PDE7B: variants seen among roughly 807,000 people sequenced by gnomAD.
The protein encoded by PDE7B is phosphodiesterase 7B.
Under a neutral mutation model 56.2 loss-of-function variants are expected in PDE7B, and 29 were observed. That is an observed-to-expected ratio of 0.52 (90% CI 0.38 to 0.70). The LOEUF (loss-of-function observed/expected upper bound fraction) is 0.70, where lower values mean the gene tolerates loss of function less well. Ranked by LOEUF, PDE7B falls within the 30% of genes least tolerant of loss-of-function variation. PDE7B has a pLI of 0.00. For synonymous variants in PDE7B, 197 were observed against 196.9 expected (o/e 1.00, Z 0.00); for missense variants, 490 against 565.0 (o/e 0.87, Z 1.35).
chr6:135,930,271 G>A (rs1583778299), intron 1 of PDE7B, among the ~76,000 whole-genome samples: 1 of 152,224 alleles, frequency 6.6e-6, no homozygotes, highest in Middle Eastern at 3.4e-3. Context: ...AACAGCACAG[G>A]AAAGACCTGG....
chr6:135,984,204 G>A (rs1775341769), intron 2 of PDE7B, among the ~76,000 whole-genome samples: 1 of 152,190 alleles, frequency 6.6e-6, no homozygotes, highest in Non-Finnish European at 1.5e-5. Flanking sequence ...TTGAGGTTAG[G>A]AGTGACGCAT....
At chr6:136,047,765 A>T (rs1040592144) in intron 2 of PDE7B, among the ~76,000 whole-genome samples, 8 of 152,214 alleles carry the variant, frequency 5.3e-5, no homozygotes, top group African/African-American at 1.9e-4. Flanking sequence ...AGAAAGGGAA[A>T]TGAAAAATTC....
At chr6:135,905,442 T>A (rs1357295578) in intron 1 of PDE7B, among the ~76,000 whole-genome samples, 1 of 151,858 alleles carries the variant, frequency 6.6e-6, no homozygotes. Flanking sequence ...AGAGAAACAC[T>A]AACCAGATTC....
At chr6:136,087,104 T>G (rs112586406) in intron 2 of PDE7B, among the ~76,000 whole-genome samples, 155 of 152,356 alleles carry the variant, frequency 1.0e-3, no homozygotes, top group Middle Eastern at 3.4e-3. Flanking sequence ...GACAGTATAC[T>G]GAGGAGAGAA....
chr6:135,992,616 T>C (rs1775496318), intron 2 of PDE7B, among the ~76,000 whole-genome samples: 2 of 152,190 alleles, frequency 1.3e-5, no homozygotes, highest in Non-Finnish European at 1.5e-5. Context: ...TTAACTTTCC[T>C]TTTTACTTAA....
intron 2 of PDE7B, among the ~76,000 whole-genome samples, chr6:136,028,950 CAAT>C (rs1776194517): frequency 6.6e-6 from 1 of 152,140 alleles, no homozygotes; most frequent in Admixed American, 6.5e-5. Context: ...GTTTGTGCAA[CAAT>C]ATGACTTCCA....
At chr6:135,872,635 C>G (rs1775407072) in intron 1 of PDE7B, among the ~76,000 whole-genome samples, 1 of 152,090 alleles carries the variant, frequency 6.6e-6, no homozygotes, top group Admixed American at 6.6e-5. Flanking sequence ...ACCCTCCCTA[C>G]CTAACAAAGT....
chr6:136,104,936 T>C (rs6904296), intron 2 of PDE7B, among the ~76,000 whole-genome samples: 360 of 152,308 alleles, frequency 2.4e-3, no homozygotes, highest in African/African-American at 8.2e-3. Context: ...TCCTTATTTG[T>C]TGTTATTGCC....
chr6:135,959,957 A>G (rs970117776), intron 2 of PDE7B, among the ~76,000 whole-genome samples: 2 of 152,142 alleles, frequency 1.3e-5, no homozygotes, highest in Non-Finnish European at 2.9e-5. Flanking sequence ...AATTTTTTGT[A>G]CAGATGGGGT....
intron 2 of PDE7B, among the ~76,000 whole-genome samples, chr6:135,969,409 A>G (rs1341124277): frequency 3.3e-5 from 5 of 152,208 alleles, no homozygotes; most frequent in African/African-American, 9.6e-5. Flanking sequence ...AAACTTCTCT[A>G]TAATGAGGAA....
chr6:136,013,407 G>T (rs550814794), intron 2 of PDE7B, among the ~76,000 whole-genome samples: 25 of 152,336 alleles, frequency 1.6e-4, no homozygotes, highest in African/African-American at 6.0e-4. Flanking sequence ...ATGGAACTGA[G>T]AGAAGTCACA....
chr6:135,910,347 A>G (rs1227363624), intron 1 of PDE7B, among the ~76,000 whole-genome samples: 1 of 152,240 alleles, frequency 6.6e-6, no homozygotes, highest in Non-Finnish European at 1.5e-5. Context: ...AGCACTTTAG[A>G]ACTGTCAGTA....
chr6:136,040,010 A>G (rs1776388342), intron 2 of PDE7B, among the ~76,000 whole-genome samples: 1 of 152,186 alleles, frequency 6.6e-6, no homozygotes, highest in South Asian at 2.1e-4. Flanking sequence ...TATGTTCTAT[A>G]TTAGTGAACA....
At chr6:136,018,661 G>A (rs1407499140) in intron 2 of PDE7B, among the ~76,000 whole-genome samples, 1 of 151,952 alleles carries the variant, frequency 6.6e-6, no homozygotes, top group Admixed American at 6.6e-5. Flanking sequence ...ACCGTTAAGA[G>A]GTCCAACAAA....
At chr6:135,987,326 G>C (rs1562461287) in intron 2 of PDE7B, among the ~76,000 whole-genome samples, 1 of 152,158 alleles carries the variant, frequency 6.6e-6, no homozygotes, top group Non-Finnish European at 1.5e-5. Flanking sequence ...TAGGAGTTGA[G>C]AGCACCAACC....
At chr6:135,900,262 C>A (rs1775976506) in intron 1 of PDE7B, among the ~76,000 whole-genome samples, 1 of 151,930 alleles carries the variant, frequency 6.6e-6, no homozygotes, top group African/African-American at 2.4e-5. Flanking sequence ...AAAAATATTT[C>A]TTTAGCTATG....
chr6:135,979,477 G>A (rs906932710), intron 2 of PDE7B, among the ~76,000 whole-genome samples: 33 of 151,602 alleles, frequency 2.2e-4, no homozygotes, highest in African/African-American at 7.0e-4. Flanking sequence ...TGTACCTCTG[G>A]TAGAATTCGG....
chr6:136,147,039 G>T (rs1194419687), intron 3 of PDE7B, among the ~76,000 whole-genome samples: 1 of 152,112 alleles, frequency 6.6e-6, no homozygotes, highest in African/African-American at 2.4e-5. Flanking sequence ...CTACTCAGGA[G>T]GGTGAGGCGG....
Position 136,161,756 on chromosome 6 carries a change from G to A in PDE7B, c.711+5998G>A, listed in dbSNP as rs549043437. Among the ~76,000 whole-genome samples, 4 of 152,198 alleles carry A rather than the reference G, an allele frequency of 2.6e-5. No homozygotes were observed. In the South Asian group the frequency reaches 8.3e-4, roughly 32 times the overall value. On this transcript the variant is annotated intron_variant, in intron 8 of 12. Transcript: ENST00000308191. ...TCTTTTAACAGTTCTTTTAACTTTT[G>A]TAGCTACTGAACTTTGGGGTTTGGG... is the stretch of plus-strand genomic sequence containing the variant.
Sources: gnomAD v4.1 joint callset for allele counts (sites outside exome capture counted in the v4.1 genomes callset) on GRCh38, gnomAD v4.1.1 for gene constraint, MANE v1.5 for transcripts, NCBI Gene and HGNC (gene_info 2026-07-23, HGNC 2026-07-21) for gene names.